Variants in UBLCP1 observed in about 807,000 individuals in gnomAD.
UBLCP1 encodes the protein ubiquitin-like domain-containing CTD phosphatase 1.
UBLCP1 carries 28 observed loss-of-function variants against 42.4 expected under a neutral mutation model. That is an observed-to-expected ratio of 0.66 (90% CI 0.49 to 0.90). The LOEUF (loss-of-function observed/expected upper bound fraction) is 0.90. UBLCP1 is among the 40% of genes least tolerant of loss of function. UBLCP1 has a pLI of 0.00. For synonymous variants in UBLCP1, 122 were observed against 120.8 expected, an observed-to-expected ratio of 1.01 and a Z score of -0.07; for missense variants, 279 against 374.5, an observed-to-expected ratio of 0.75 and a Z score of 2.10.
At chr5:159,274,844 C>T (rs1045157436) in intron 7 of UBLCP1, among the ~76,000 whole-genome samples, 1 of 152,122 alleles carries the variant, frequency 6.6e-6, no homozygotes, top group African/African-American at 2.4e-5. Flanking sequence ...TTGTCCCCTC[C>T]CCCACATTCT....
intron 10 of UBLCP1, among the ~76,000 whole-genome samples, chr5:159,283,971 C>T (rs569063471): frequency 6.6e-6 from 1 of 152,154 alleles, no homozygotes; most frequent in South Asian, 2.1e-4. Flanking sequence ...GAAGGTATTA[C>T]TATGTATTAC....
intron 2 of UBLCP1, among the ~76,000 whole-genome samples, chr5:159,269,698 A>G (rs923978509): frequency 7.9e-5 from 12 of 152,330 alleles, no homozygotes; most frequent in African/African-American, 2.9e-4. Flanking sequence ...AGAATTGGGG[A>G]GAAAATAACC....
At chr5:159,282,631 A>T (rs904812959) in intron 9 of UBLCP1, among the ~76,000 whole-genome samples, 7 of 152,128 alleles carry the variant, frequency 4.6e-5, no homozygotes, top group African/African-American at 1.7e-4. Context: ...TTTGGAAAAT[A>T]TGGCAGTTCT....
chr5:159,263,524 G>A (rs1435729790), intron 1 of UBLCP1, among the ~76,000 whole-genome samples, 164 bp downstream of exon 1: 2 of 152,238 alleles, frequency 1.3e-5, no homozygotes, highest in African/African-American at 2.4e-5. Context: ...CCGCTTAGTC[G>A]CGGGGGCCGC....
intron 9 of UBLCP1, among the ~76,000 whole-genome samples, chr5:159,279,385 C>T (rs1034199974): frequency 2.6e-5 from 4 of 152,194 alleles, no homozygotes; most frequent in Non-Finnish European, 2.9e-5. Context: ...TAGTTGATTA[C>T]ATGTTGGCGC....
Position 159,265,846 on chromosome 5 carries a change from A to AT in UBLCP1, c.-47+2495dup, listed in dbSNP as rs533909450. ...AGGCGCCCACCACCACCTCTGGCTA[A>AT]TTTTTTTTTGTATTTTTAGTAGAGA... On this transcript the variant is annotated intron_variant, in intron 1 of 10. Coordinates refer to ENST00000296786, the MANE Select transcript of UBLCP1 (RefSeq NM_145049.5). Among the ~76,000 whole-genome samples the AT allele has an allele frequency of 6.9e-3, 1,037 of 151,230 alleles. 7 individuals are homozygous for AT. Among genetic ancestry groups the AT allele is most frequent in the African/African-American group, 0.018 (747 of 41,300 alleles).
At chr5:159,263,627 G>A (rs1488570225) in intron 1 of UBLCP1, among the ~76,000 whole-genome samples, 1 of 152,166 alleles carries the variant, frequency 6.6e-6, no homozygotes, top group Non-Finnish European at 1.5e-5. Flanking sequence ...GTCTTCTCAG[G>A]CTTGTCCATC....
chr5:159,274,658 TC>T, intron 7 of UBLCP1, 36 bp downstream of exon 7: 2 of 1,572,774 alleles, frequency 1.3e-6, no homozygotes, highest in Non-Finnish European at 1.7e-6. Context: ...AAAAATATTT[TC>T]AAACTGCATT....
At chr5:159,265,398 G>C (rs539420022) in intron 1 of UBLCP1, among the ~76,000 whole-genome samples, 1 of 152,334 alleles carries the variant, frequency 6.6e-6, no homozygotes, top group South Asian at 2.1e-4. Flanking sequence ...GGAGGAATGA[G>C]TTTAATGAAA....
At chr5:159,263,402 C>A (rs562937744) in intron 1 of UBLCP1, 42 bp downstream of exon 1, 2 of 152,282 alleles carry the variant, frequency 1.3e-5, no homozygotes, top group Non-Finnish European at 2.9e-5. Context: ...CCCTTGGAGA[C>A]GCTGTTGGGG....
At chr5:159,277,878 G>A (rs1279711497) in intron 8 of UBLCP1, among the ~76,000 whole-genome samples, 1 of 152,152 alleles carries the variant, frequency 6.6e-6, no homozygotes, top group African/African-American at 2.4e-5. Context: ...CAAGCTCTGA[G>A]AAGGAATGTG....
chr5:159,266,558 CG>C (rs1396879802), intron 1 of UBLCP1, among the ~76,000 whole-genome samples: 8 of 152,326 alleles, frequency 5.3e-5, no homozygotes, highest in Admixed American at 4.6e-4. Context: ...CAGAAATCTG[CG>C]TAAGTATCAA....
chr5:159,278,153 T>C (rs894313116), intron 8 of UBLCP1, 85 bp from the exon 9 acceptor site: 1 of 892,284 alleles, frequency 1.1e-6, no homozygotes, highest in Non-Finnish European at 1.8e-6. Flanking sequence ...GGCATTGTTC[T>C]GCAGGGCAGT....
chr5:159,277,176 G>C (rs936748457), intron 8 of UBLCP1, among the ~76,000 whole-genome samples: 4 of 151,382 alleles, frequency 2.6e-5, no homozygotes, highest in African/African-American at 9.7e-5. Context: ...TTCGTGGGGG[G>C]AGTAGGGGGC....
At chr5:159,265,268 C>T (rs1311413326) in intron 1 of UBLCP1, among the ~76,000 whole-genome samples, 1 of 152,154 alleles carries the variant, frequency 6.6e-6, no homozygotes, top group Non-Finnish European at 1.5e-5. Flanking sequence ...AATTTAACCT[C>T]TTTCTTGCAG....
chr5:159,283,089 T>C (rs1277111701), intron 9 of UBLCP1, 123 bp from the exon 10 acceptor site: 1 of 980,702 alleles, frequency 1.0e-6, no homozygotes, highest in Non-Finnish European at 1.5e-6. Flanking sequence ...ATAAAAGTAA[T>C]TTTTAGTATT....
intron 7 of UBLCP1, 23 bp from the exon 8 acceptor site, chr5:159,275,125 C>A (rs369587015): frequency 1.3e-6 from 2 of 1,599,544 alleles, no homozygotes; most frequent in Non-Finnish European, 1.7e-6. Context: ...ATGTTTTAAC[C>A]TCACAAATAT....
At chr5:159,280,388 G>A (rs1215248473) in intron 9 of UBLCP1, among the ~76,000 whole-genome samples, 6 of 152,082 alleles carry the variant, frequency 3.9e-5, no homozygotes, top group Non-Finnish European at 8.8e-5. Flanking sequence ...TTGCAGCCTC[G>A]ACTTCCCTTG....
At chr5:159,277,500 T>G (rs2113319080) in intron 8 of UBLCP1, among the ~76,000 whole-genome samples, 1 of 152,302 alleles carries the variant, frequency 6.6e-6, no homozygotes, top group South Asian at 2.1e-4. Flanking sequence ...TACATTTGCA[T>G]GACTAAAAAA....
Sources: gnomAD v4.1 joint callset for allele counts (sites outside exome capture counted in the v4.1 genomes callset) on GRCh38, gnomAD v4.1.1 for gene constraint, MANE v1.5 for transcripts, NCBI Gene and HGNC (gene_info 2026-07-23, HGNC 2026-07-21) for gene names.